CAMTA1: variants seen among roughly 807,000 people sequenced by gnomAD.
The protein encoded by CAMTA1 is calmodulin binding transcription activator 1.
A neutral mutation model predicts 170.9 loss-of-function variants in CAMTA1; 27 were observed. The ratio of observed to expected loss-of-function variants is 0.16; its 90% CI spans 0.12 to 0.22. The LOEUF is 0.22. CAMTA1 is among the 10% of genes least tolerant of loss of function. The pLI, the probability that CAMTA1 is intolerant of heterozygous loss-of-function variation, is 1.00. For missense variants in CAMTA1, 1,619 were observed against 2,217.2 expected (o/e 0.73, Z 5.42); for synonymous variants, 833 against 891.5 (o/e 0.93, Z 1.17).
chr1:7,419,388 C>T (rs2091411774), intron 5 of CAMTA1, among the ~76,000 whole-genome samples: 1 of 152,142 alleles, frequency 6.6e-6, no homozygotes, highest in Non-Finnish European at 1.5e-5. Context: ...AACTTCTGAA[C>T]TCAAATGATC....
chr1:7,606,672 TTCACAGCACAAGCGTG>T (rs2095488850), intron 6 of CAMTA1, among the ~76,000 whole-genome samples: 1 of 152,174 alleles, frequency 6.6e-6, no homozygotes, highest in South Asian at 2.1e-4. Flanking sequence ...ATGTTGCATG[TTCACAGCACAAGCGTG>T]TCCTCCTCTC....
intron 6 of CAMTA1, among the ~76,000 whole-genome samples, chr1:7,504,755 T>G (rs530943545): frequency 9.2e-5 from 14 of 152,376 alleles, no homozygotes; most frequent in South Asian, 6.2e-4. Context: ...CCACTGGGAA[T>G]AGCGGCTCTG....
chr1:7,730,405 T>C (rs374211893), intron 11 of CAMTA1, among the ~76,000 whole-genome samples: 3 of 152,184 alleles, frequency 2.0e-5, no homozygotes, highest in African/African-American at 7.2e-5. Context: ...GCCTCAGTTC[T>C]GGACATGTTT....
At chr1:6,853,040 A>C (rs1279180524) in intron 3 of CAMTA1, 1 of 152,188 alleles carries the variant, frequency 6.6e-6, no homozygotes, top group Non-Finnish European at 1.5e-5. Context: ...TATGTTTCTT[A>C]TTATATCACA....
intron 3 of CAMTA1, among the ~76,000 whole-genome samples, chr1:6,906,908 G>C (rs964231114): frequency 6.6e-6 from 1 of 152,212 alleles, no homozygotes; most frequent in Non-Finnish European, 1.5e-5. Context: ...CCTTAGCCAT[G>C]TGGGCAACTA....
At chr1:7,075,530 G>T (rs979105776) in intron 3 of CAMTA1, among the ~76,000 whole-genome samples, 24 of 152,160 alleles carry the variant, frequency 1.6e-4, no homozygotes, top group Non-Finnish European at 4.4e-5. Flanking sequence ...AAGGACAGCA[G>T]CCCATCGCTC....
chr1:7,698,065 C>T (rs1005735707), intron 11 of CAMTA1, among the ~76,000 whole-genome samples: 7 of 110,746 alleles, frequency 6.3e-5, no homozygotes, highest in African/African-American at 7.1e-5. Context: ...ATGCTGGCCA[C>T]GCACTGTGAC....
At position 7,455,359 on chromosome 1, in the gene CAMTA1, C is replaced by T. The variant is rs1311363700; in HGVS notation, c.439-12471C>T. The stretch of plus-strand genomic sequence containing the variant: ...ATCGGGAAAAGGCCGATTCCCTCTG[C>T]CCAGCCCATTAATTCTGCATGCTCA... On this transcript the variant is annotated intron_variant, in intron 5 of 22. Transcript: ENST00000303635. This position sits in a 1 kb window ranked among gnomAD's most constrained non-coding sequence, Gnocchi z 5.0. Among the ~76,000 whole-genome samples, 1 of 152,214 alleles carries T rather than the reference C, an allele frequency of 6.6e-6. No individual in the cohort carries two copies. The highest frequency in any genetic ancestry group is 2.4e-5 in the African/African-American group (1 of 41,456).
intron 6 of CAMTA1, among the ~76,000 whole-genome samples, chr1:7,601,739 G>C (rs911547874): frequency 1.2e-4 from 18 of 152,362 alleles, no homozygotes; most frequent in African/African-American, 4.3e-4. Flanking sequence ...AGGAGCTGGA[G>C]ACCAGCCTGG....
intron 3 of CAMTA1, among the ~76,000 whole-genome samples, chr1:6,904,733 A>ATTTTTTTTTT (rs70984036): frequency 1.4e-5 from 1 of 70,994 alleles, no homozygotes; most frequent in South Asian, 7.0e-4. Context: ...TGCCCAGCTA[A>ATTTTTTTTTT]TTTTTTTTTT....
intron 5 of CAMTA1, among the ~76,000 whole-genome samples, chr1:7,276,293 A>ATTTTTTTTTTT (rs1372402055): frequency 2.3e-4 from 5 of 22,050 alleles, no homozygotes; most frequent in Non-Finnish European, 3.3e-4. Flanking sequence ...ATATATATAT[A>ATTTTTTTTTTT]TATATATATA....
chr1:7,719,320 G>A (rs1290711548), intron 11 of CAMTA1, among the ~76,000 whole-genome samples: 1 of 152,190 alleles, frequency 6.6e-6, no homozygotes, highest in Non-Finnish European at 1.5e-5. Context: ...AGTATTGAAA[G>A]ATTTCAAATG....
intron 4 of CAMTA1, among the ~76,000 whole-genome samples, chr1:7,126,840 G>A (rs1644961340): frequency 6.6e-6 from 1 of 152,112 alleles, no homozygotes; most frequent in Admixed American, 6.5e-5. Context: ...GCGTGATCTC[G>A]GCTCACTGCA....
At chr1:7,337,686 G>A (rs1326894188) in intron 5 of CAMTA1, among the ~76,000 whole-genome samples, 1 of 147,640 alleles carries the variant, frequency 6.8e-6, no homozygotes, top group Non-Finnish European at 1.5e-5. Flanking sequence ...GTGGGCGGTG[G>A]GCCTCATCCA....
intron 3 of CAMTA1, among the ~76,000 whole-genome samples, chr1:7,070,810 G>A (rs887056898): frequency 1.4e-4 from 21 of 152,258 alleles, no homozygotes; most frequent in Non-Finnish European, 2.8e-4. Context: ...TGGAGATTGT[G>A]TGTGAGTGTT....
At chr1:7,745,122 A>G in intron 17 of CAMTA1, 100 bp downstream of exon 17, 1 of 1,161,494 alleles carries the variant, frequency 8.6e-7, no homozygotes, top group Non-Finnish European at 1.2e-6. Context: ...GTCATAGAAG[A>G]CCATACCAAG....
At chr1:6,922,771 G>A (rs1682296199) in intron 3 of CAMTA1, among the ~76,000 whole-genome samples, 1 of 152,192 alleles carries the variant, frequency 6.6e-6, no homozygotes, top group Non-Finnish European at 1.5e-5. Flanking sequence ...GAGTGCCAGA[G>A]GATTTGCAGA....
chr1:7,574,502 C>T (rs1443549387), intron 6 of CAMTA1, among the ~76,000 whole-genome samples: 1 of 152,198 alleles, frequency 6.6e-6, no homozygotes, highest in Non-Finnish European at 1.5e-5. Flanking sequence ...GGGGCTGACT[C>T]AGGCCGGTCA....
chr1:6,942,062 T>C (rs559175656), intron 3 of CAMTA1, among the ~76,000 whole-genome samples: 2 of 107,618 alleles, frequency 1.9e-5, no homozygotes, highest in African/African-American at 2.9e-5. Context: ...GCCCTGATTC[T>C]CTTTTTTCTT....
Sources: gnomAD v4.1 joint callset for allele counts (sites outside exome capture counted in the v4.1 genomes callset) on GRCh38, gnomAD v4.1.1 for gene constraint, Gnocchi (gnomAD v3.1) non-coding constraint, MANE v1.5 for transcripts, NCBI Gene and HGNC (gene_info 2026-07-23, HGNC 2026-07-21) for gene names.